MYO1E: variants seen among roughly 807,000 people sequenced by gnomAD.
The protein encoded by MYO1E is unconventional myosin-Ie.
MYO1E carries 68 observed loss-of-function variants against 151.1 expected under a neutral mutation model. That is an observed-to-expected ratio of 0.45 (90% CI 0.37 to 0.55). The LOEUF (loss-of-function observed/expected upper bound fraction) is 0.55, where lower values mean the gene tolerates loss of function less well. Among genes scored for constraint, MYO1E ranks in the 20% least tolerant of loss-of-function variants. MYO1E has a pLI of 0.00. For synonymous variants in MYO1E, 601 were observed against 501.7 expected (o/e 1.20, Z -2.64); for missense variants, 1,363 against 1,389.3 (o/e 0.98, Z 0.30).
chr15:59,340,964 A>T (rs2080761355), intron 1 of MYO1E, among the ~76,000 whole-genome samples: 1 of 147,168 alleles, frequency 6.8e-6, no homozygotes, highest in East Asian at 2.0e-4. Flanking sequence ...GGTTGCAGTG[A>T]GCTGAGATCC....
intron 2 of MYO1E, among the ~76,000 whole-genome samples, chr15:59,265,422 G>T (rs1319453548): frequency 6.6e-6 from 1 of 152,020 alleles, no homozygotes; most frequent in African/African-American, 2.4e-5. Flanking sequence ...TATATAAAGA[G>T]ATATCTCATT....
chr15:59,281,038 C>T (rs575587723), intron 1 of MYO1E, among the ~76,000 whole-genome samples: 115 of 152,226 alleles, frequency 7.6e-4, no homozygotes, highest in Non-Finnish European at 1.4e-3. Context: ...TGACAAGCTG[C>T]CCAAGAGAAG....
intron 19 of MYO1E, among the ~76,000 whole-genome samples, chr15:59,174,733 C>G (rs1478856322): frequency 6.6e-6 from 1 of 152,014 alleles, no homozygotes; most frequent in South Asian, 2.1e-4. Context: ...ACTTTCAGTT[C>G]CAAGAAAATA....
chr15:59,246,306 T>TG (rs1400878141), intron 4 of MYO1E, among the ~76,000 whole-genome samples: 3 of 152,000 alleles, frequency 2.0e-5, no homozygotes, highest in African/African-American at 7.2e-5. Context: ...TTAGTAGAGA[T>TG]GGGGTTTCAC....
intron 1 of MYO1E, among the ~76,000 whole-genome samples, chr15:59,320,056 A>G (rs1481350685): frequency 6.6e-6 from 1 of 152,238 alleles, no homozygotes; most frequent in African/African-American, 2.4e-5. Flanking sequence ...AGCCAAATCA[A>G]GAATGCAATC....
chr15:59,142,815 A>G (rs1367635073), intron 26 of MYO1E, among the ~76,000 whole-genome samples: 1 of 151,772 alleles, frequency 6.6e-6, no homozygotes, highest in Non-Finnish European at 1.5e-5. Context: ...TTACTGGTGA[A>G]ACTCACAATG....
chr15:59,206,372 C>A (rs2079833906), intron 14 of MYO1E, among the ~76,000 whole-genome samples: 1 of 152,166 alleles, frequency 6.6e-6, no homozygotes, highest in African/African-American at 2.4e-5. Context: ...CTGCTGAAGC[C>A]CCAGCCGACT....
chr15:59,149,032 T>G (rs1385251023), intron 26 of MYO1E, among the ~76,000 whole-genome samples: 1 of 146,464 alleles, frequency 6.8e-6, no homozygotes, highest in African/African-American at 2.5e-5. Context: ...GGTGGGTGGA[T>G]GAACTGTTTT....
At chr15:59,194,787 C>T (rs1184328919) in intron 17 of MYO1E, among the ~76,000 whole-genome samples, 11 of 152,324 alleles carry the variant, frequency 7.2e-5, no homozygotes, top group African/African-American at 2.4e-4. Context: ...CCTTAACAGG[C>T]TCCTCCTCAA....
intron 1 of MYO1E, among the ~76,000 whole-genome samples, chr15:59,354,279 C>T (rs1297607688): frequency 6.6e-6 from 1 of 152,236 alleles, no homozygotes; most frequent in African/African-American, 2.4e-5. Flanking sequence ...ATTCCTCTAG[C>T]ACAGGTGGAT....
intron 1 of MYO1E, among the ~76,000 whole-genome samples, chr15:59,282,937 GGGGAGGGGGAGGGGGGAGA>G (rs1336036399): frequency 5.3e-4 from 1 of 1,874 alleles, no homozygotes; most frequent in African/African-American, 1.3e-3. Context: ...GGAGGGGGAG[GGGGAGGGGGAGGGGGGAGA>G]GGGGAGGGGA....
At chr15:59,307,519 A>C (rs1965474833) in intron 1 of MYO1E, among the ~76,000 whole-genome samples, 1 of 152,120 alleles carries the variant, frequency 6.6e-6, no homozygotes, top group South Asian at 2.1e-4. Flanking sequence ...CTTCACTCTC[A>C]GGGTTTGCTT....
intron 1 of MYO1E, among the ~76,000 whole-genome samples, chr15:59,279,764 GA>G (rs1230498540): frequency 6.6e-6 from 1 of 151,960 alleles, no homozygotes; most frequent in African/African-American, 2.4e-5. Context: ...AAGGGGGAGG[GA>G]AAAAAAGGTT....
chr15:59,284,159 T>C (rs996325357), intron 1 of MYO1E, among the ~76,000 whole-genome samples: 1 of 152,200 alleles, frequency 6.6e-6, no homozygotes, highest in African/African-American at 2.4e-5. Context: ...GAGTGCCCAA[T>C]CTTTACTAGC....
At position 59,274,289 on chromosome 15, in the gene MYO1E, C is replaced by T. The variant is rs557451898; in HGVS notation, c.4-1840G>A. Among the ~76,000 whole-genome samples, 9 of 152,320 alleles carry T rather than the reference C, an allele frequency of 5.9e-5. No individual in the cohort carries two copies. In the South Asian group the frequency reaches 1.9e-3, roughly 32 times the overall value. ...AGAACCACATACAGCATCAATTCTACAAAATTACCTCAGACCTCACCACTC... is the reference window on the plus strand; with the variant it reads ...AGAACCACATACAGCATCAATTCTATAAAATTACCTCAGACCTCACCACTC... On this transcript the variant is annotated intron_variant, in intron 1 of 27. Coordinates refer to ENST00000288235, the MANE Select transcript of MYO1E (RefSeq NM_004998.4).
At chr15:59,306,977 T>C (rs1271347995) in intron 1 of MYO1E, among the ~76,000 whole-genome samples, 2 of 152,170 alleles carry the variant, frequency 1.3e-5, no homozygotes, top group Non-Finnish European at 1.5e-5. Flanking sequence ...CTAATACTTC[T>C]GTGGGATGGA....
Position 59,372,812 on chromosome 15 carries a change from C to G in MYO1E, c.-312G>C, listed in dbSNP as rs2080956858. On this transcript the variant is annotated 5_prime_UTR_variant, in exon 1 of 28. Coordinates refer to ENST00000288235, the MANE Select transcript of MYO1E (RefSeq NM_004998.4). The stretch of plus-strand genomic sequence containing the variant: ...CGATGCGCTCGGAGCGTCCGCCTCG[C>G]TCCCCTGCCTCACTCCTCTTTCTTC... The G allele has an allele frequency of 8.2e-6, 4 of 487,846 alleles. No individual in the cohort carries two copies. The highest frequency in any genetic ancestry group is 7.3e-5 in the East Asian group (2 of 27,420). 30.2% of individuals were successfully genotyped at this position (487,846 alleles called of 1,614,324 possible).
intron 4 of MYO1E, among the ~76,000 whole-genome samples, chr15:59,241,537 C>A (rs1198302887): frequency 6.6e-6 from 1 of 151,970 alleles, no homozygotes. Flanking sequence ...CCCGTCTCTA[C>A]TAAAAACACA....
At chr15:59,358,704 T>G (rs1486426990) in intron 1 of MYO1E, among the ~76,000 whole-genome samples, 2 of 152,240 alleles carry the variant, frequency 1.3e-5, no homozygotes, top group African/African-American at 4.8e-5. Context: ...AAGTAAAAAC[T>G]TTATGTCCCT....
Sources: gnomAD v4.1 joint callset for allele counts (sites outside exome capture counted in the v4.1 genomes callset) on GRCh38, gnomAD v4.1.1 for gene constraint, MANE v1.5 for transcripts, NCBI Gene and HGNC (gene_info 2026-07-23, HGNC 2026-07-21) for gene names.